Variants in STAB2 observed in about 807,000 individuals in gnomAD.
STAB2 encodes the protein stabilin-2.
In STAB2, 288 loss-of-function variants were observed where a neutral mutation model predicts 338.1. The observed-to-expected ratio is 0.85, with a 90% CI of 0.77 to 0.94. The LOEUF is 0.94. Among genes scored for constraint, STAB2 ranks in the 40% least tolerant of loss-of-function variants. The probability of loss-of-function intolerance (pLI) is 0.00; values close to 1 mark genes in which losing one functional copy is unlikely to be tolerated. For synonymous variants in STAB2, 1,202 were observed against 1,193.3 expected (o/e 1.01, Z -0.15); for missense variants, 3,141 against 3,210.1 (o/e 0.98, Z 0.52).
intron 3 of STAB2, among the ~76,000 whole-genome samples, chr12:103,598,430 G>A (rs1006903342): frequency 6.6e-6 from 1 of 152,208 alleles, no homozygotes; most frequent in African/African-American, 2.4e-5. Context: ...CACCAGAGTA[G>A]TGGTGACCCA....
chr12:103,590,795 G>A (rs1035483015), intron 1 of STAB2, 102 bp from the exon 2 acceptor site: 3 of 1,396,480 alleles, frequency 2.1e-6, no homozygotes, highest in Non-Finnish European at 3.0e-6. Flanking sequence ...ACGTTCCATT[G>A]AGATGATTGG....
chr12:103,628,248 T>G (rs1311169113), intron 5 of STAB2, among the ~76,000 whole-genome samples: 1 of 152,254 alleles, frequency 6.6e-6, no homozygotes, highest in Admixed American at 6.5e-5. Context: ...CATTTTTTCA[T>G]GTGTGATACA....
intron 53 of STAB2, 105 bp downstream of exon 53, chr12:103,737,885 G>A (rs1882284437): frequency 4.1e-6 from 6 of 1,445,924 alleles, no homozygotes; most frequent in Non-Finnish European, 5.6e-6. Flanking sequence ...CCTGTCCTCA[G>A]CAAGACTAGG....
intron 3 of STAB2, among the ~76,000 whole-genome samples, chr12:103,608,443 A>G (rs984267990): frequency 2.0e-5 from 3 of 152,156 alleles, no homozygotes; most frequent in African/African-American, 4.8e-5. Flanking sequence ...CGCCCAGCCT[A>G]TGATAAGCAT....
At chr12:103,730,393 C>CT (rs1881542105) in intron 49 of STAB2, 137 bp downstream of exon 49, 2 of 1,010,718 alleles carry the variant, frequency 2.0e-6, no homozygotes, top group Non-Finnish European at 2.9e-6. Context: ...GCCTAGTAAA[C>CT]ATTATTCTTA....
At chr12:103,703,390 C>A (rs754493581) in intron 35 of STAB2, 114 bp downstream of exon 35, 29 of 1,295,944 alleles carry the variant, frequency 2.2e-5, no homozygotes, top group Non-Finnish European at 3.1e-5. Flanking sequence ...GTCCATAAAC[C>A]ACTGAATGAG....
At chr12:103,607,903 G>A (rs1251829510) in intron 3 of STAB2, among the ~76,000 whole-genome samples, 1 of 152,168 alleles carries the variant, frequency 6.6e-6, no homozygotes, top group African/African-American at 2.4e-5. Context: ...GATATACCTA[G>A]TAATGGGATG....
At chr12:103,713,950 A>G (rs1162750028) in intron 42 of STAB2, among the ~76,000 whole-genome samples, 182 bp downstream of exon 42, 1 of 152,254 alleles carries the variant, frequency 6.6e-6, no homozygotes, top group East Asian at 1.9e-4. Context: ...TGTCATGTCC[A>G]AAAATTACTT....
At chr12:103,742,620 T>C (rs992630596) in intron 56 of STAB2, 66 bp downstream of exon 56, 1 of 1,602,384 alleles carries the variant, frequency 6.2e-7, no homozygotes, top group Non-Finnish European at 8.5e-7. Context: ...TCCTTGTTCA[T>C]GCCATCTGCC....
At chr12:103,726,453 T>TG (rs1330863789) in intron 46 of STAB2, among the ~76,000 whole-genome samples, 2 of 152,222 alleles carry the variant, frequency 1.3e-5, no homozygotes, top group Non-Finnish European at 2.9e-5. Flanking sequence ...ATCATGCCAC[T>TG]GCACTCCAGC....
rs1884532385 is a variant in STAB2, at chr12:103,761,442, G to A, written c.7359+32G>A. ...ATCTAGGGTCCCTGATAACGGGCCA[G>A]GAGGAGCCCCGGTGCCCACTCACCA... On this transcript the variant is annotated intron_variant, in intron 66 of 68. Transcript: ENST00000388887. 2.5e-6 allele frequency: 4 copies of A among 1,597,882 alleles called. No individual in the cohort carries two copies. In the South Asian group the frequency reaches 4.4e-5, roughly 18 times the overall value.
At position 103,692,892 on chromosome 12, in the gene STAB2, A is replaced by G. The variant is rs1436670437; in HGVS notation, c.3375+3A>G. 5.0e-6 allele frequency: 8 copies of G among 1,611,540 alleles called. No individual in the cohort carries two copies. The highest frequency in any genetic ancestry group is 1.1e-5 in the South Asian group (1 of 90,958). ...GAGTGATACACATCATCAACAAGGTACAAGATTCCATTCTCCTGTGCGTGC... is the reference window on the plus strand; with the variant it reads ...GAGTGATACACATCATCAACAAGGTGCAAGATTCCATTCTCCTGTGCGTGC... On this transcript the variant is annotated splice_donor_region_variant and intron_variant, in intron 31 of 68. Transcript: ENST00000388887.
intron 6 of STAB2, among the ~76,000 whole-genome samples, chr12:103,634,590 T>C (rs1957514391): frequency 6.6e-6 from 1 of 152,264 alleles, no homozygotes; most frequent in African/African-American, 2.4e-5. Flanking sequence ...TGCTAAGTGA[T>C]TCTAACAACT....
Position 103,587,498 on chromosome 12 carries a change from AT to A in STAB2, c.28del (p.Cys10ValfsTer51), listed in dbSNP as rs747845221. 3 of 1,613,988 alleles carry A rather than the reference AT, an allele frequency of 1.9e-6. No individual in the cohort carries two copies. In the South Asian group the frequency reaches 3.3e-5, roughly 18 times the overall value. On this transcript the variant is annotated frameshift_variant, in exon 1 of 69. Transcript: ENST00000388887. LOFTEE classifies it high-confidence loss of function. ...CCTCATGATGCTACAACATTTAGTAATTTTTTGTCTTGGATTGGTTGTACAA... is the reference window on the plus strand; with the variant it reads ...CCTCATGATGCTACAACATTTAGTAATTTTTGTCTTGGATTGGTTGTACAA... MMLQHLVIFCLGLVVQNF... is the reference protein window; with the variant it reads MMLQHLVXFCLGLVVQNF...
intron 56 of STAB2, among the ~76,000 whole-genome samples, chr12:103,744,445 C>A (rs1882836603): frequency 6.7e-6 from 1 of 149,550 alleles, no homozygotes; most frequent in South Asian, 2.1e-4. Context: ...ATCCACTGCA[C>A]CTGGCCACAA....
intron 6 of STAB2, among the ~76,000 whole-genome samples, chr12:103,634,306 T>A (rs537798560): frequency 6.6e-6 from 1 of 152,118 alleles, no homozygotes; most frequent in East Asian, 1.9e-4. Context: ...CTAGCTTGAG[T>A]TGGTTCACAA....
chr12:103,676,513 C>T (rs981482428), intron 24 of STAB2, among the ~76,000 whole-genome samples: 3 of 152,182 alleles, frequency 2.0e-5, no homozygotes, highest in Non-Finnish European at 4.4e-5. Flanking sequence ...CAGGGTCTCA[C>T]TCTGTTACCC....
rs901531395 is a variant in STAB2 at position 103,668,698 on chromosome 12, G to T, written c.2141G>T (p.Gly714Val). ...YSGRFGSLKS[G>V]CARYCNATVK... ...GGCAGGTTTGGGAGCCTGAAGAGCG[G>T]CTGTGCCCGGTACTGCAATGCCACT... The change falls in exon 20 of 69, where the codon GGC becomes GTC. Residue 714 changes from glycine to valine, a missense_variant. Gly to Val is a moderately radical substitution (Grantham distance 109, BLOSUM62 -3). Transcript: ENST00000388887. 4 of 1,550,172 alleles carry T rather than the reference G, an allele frequency of 2.6e-6. No individual in the cohort carries two copies. Among genetic ancestry groups the T allele is most frequent in the Non-Finnish European group, 3.5e-6 (4 of 1,146,494 alleles).
In STAB2 at chr12:103,699,119, TGTG is replaced by T; in HGVS notation, c.3609_3611del (p.Val1204del). ...AGGAGGAGGACGTCCTCCGGTATCA[TGTG>T]GTCCTGGAGGAGAAACTCCTGAAGA... On this transcript the variant is annotated inframe_deletion, in exon 34 of 69. Transcript: ENST00000388887. 6.2e-7 allele frequency: 1 copy of T among 1,611,144 alleles called. No individual in the cohort carries two copies. The highest frequency in any genetic ancestry group is 8.5e-7 in the Non-Finnish European group (1 of 1,177,790).
Sources: gnomAD v4.1 joint callset for allele counts (sites outside exome capture counted in the v4.1 genomes callset) on GRCh38, gnomAD v4.1.1 for gene constraint, MANE v1.5 for transcripts, NCBI Gene and HGNC (gene_info 2026-07-23, HGNC 2026-07-21) for gene names.